Variants in PHF24 observed in about 807,000 individuals in gnomAD.
PHF24 encodes Galpha inhibitory interacting protein.
Under a neutral mutation model 42.6 loss-of-function variants are expected in PHF24, and 25 were observed. The ratio of observed to expected loss-of-function variants is 0.59; its 90% CI spans 0.43 to 0.82. The LOEUF (loss-of-function observed/expected upper bound fraction) is 0.82. Among genes scored for constraint, PHF24 ranks in the 40% least tolerant of loss-of-function variants. The pLI is 0.00. For missense variants in PHF24, 470 were observed against 538.1 expected, an observed-to-expected ratio of 0.87 and a Z score of 1.25; for synonymous variants, 185 against 204.8, an observed-to-expected ratio of 0.90 and a Z score of 0.83.
chr9:34,940,826 C>G, the PHF24 span, among the ~76,000 whole-genome samples: 1 of 152,224 alleles, frequency 6.6e-6, no homozygotes, highest in Admixed American at 6.5e-5. Flanking sequence ...CCTGTTCCCA[C>G]TGTGTAAAAG....
At chr9:34,838,232 G>C in the PHF24 span, 1 of 625,502 alleles carries the variant, frequency 1.6e-6, no homozygotes, top group Admixed American at 2.7e-5. Context: ...AGTAACTAAA[G>C]GTATGGCATA....
upstream of PHF24, among the ~76,000 whole-genome samples, chr9:34,955,321 C>CAAA (rs146827510): frequency 5.7e-4 from 79 of 137,824 alleles, no homozygotes; most frequent in Middle Eastern, 7.6e-3. Flanking sequence ...CAAGAATATG[C>CAAA]AAAAAAAAAA....
the PHF24 span, among the ~76,000 whole-genome samples, chr9:34,769,156 A>G: frequency 0.012 from 1,846 of 152,262 alleles, 40 homozygotes; most frequent in African/African-American, 0.042. Flanking sequence ...TTGCTCTGTC[A>G]CCCAGGCTGG....
chr9:34,729,208 T>C, the PHF24 span: 3 of 1,471,878 alleles, frequency 2.0e-6, no homozygotes, highest in Middle Eastern at 3.5e-4. Flanking sequence ...GGGGTGGGGA[T>C]TATAAGGGAG....
chr9:34,709,708 C>T, the PHF24 span: 1 of 1,613,508 alleles, frequency 6.2e-7, no homozygotes. Context: ...AGTAAGCCTT[C>T]TTAGTCTTGC....
the PHF24 span, chr9:34,833,551 A>G: frequency 1.3e-6 from 2 of 1,551,616 alleles, no homozygotes; most frequent in South Asian, 2.4e-5. Flanking sequence ...GTGCTGCAGC[A>G]GTTTGTTCCC....
intron 3 of PHF24, among the ~76,000 whole-genome samples, chr9:34,974,576 T>C (rs1282714208): frequency 6.6e-6 from 1 of 152,122 alleles, no homozygotes; most frequent in Non-Finnish European, 1.5e-5. Flanking sequence ...CTCTGACCAT[T>C]CTTTCTCAAT....
At chr9:34,916,625 T>C in the PHF24 span, among the ~76,000 whole-genome samples, 1 of 152,202 alleles carries the variant, frequency 6.6e-6, no homozygotes, top group African/African-American at 2.4e-5. Flanking sequence ...TGTTAGAAGA[T>C]AATCAAAACT....
chr9:34,825,794 G>A, the PHF24 span, among the ~76,000 whole-genome samples: 2 of 152,172 alleles, frequency 1.3e-5, no homozygotes, highest in Non-Finnish European at 2.9e-5. Flanking sequence ...AACCATATGT[G>A]TGTAATTCTG....
At chr9:34,837,767 C>A in the PHF24 span, 2 of 1,040,416 alleles carry the variant, frequency 1.9e-6, no homozygotes, top group Non-Finnish European at 2.9e-6. Flanking sequence ...CAAAATGAGA[C>A]TTACATTTAT....
the PHF24 span, among the ~76,000 whole-genome samples, chr9:34,910,331 A>G: frequency 6.6e-6 from 1 of 152,156 alleles, no homozygotes; most frequent in Non-Finnish European, 1.5e-5. Context: ...AAACATTAAA[A>G]ATTAACTTAG....
At chr9:34,917,627 T>C in the PHF24 span, 88 of 776,422 alleles carry the variant, frequency 1.1e-4, 1 homozygote, top group African/African-American at 1.4e-3. Flanking sequence ...TGGTTGGCCT[T>C]CCAGTGGCTT....
chr9:34,832,632 G>A, the PHF24 span: 1 of 1,540,882 alleles, frequency 6.5e-7, no homozygotes, highest in Non-Finnish European at 8.8e-7. Flanking sequence ...TTTTGTCTTG[G>A]GGTTAATACA....
the PHF24 span, chr9:34,727,006 G>A: frequency 2.6e-6 from 4 of 1,540,286 alleles, no homozygotes; most frequent in Non-Finnish European, 3.5e-6. Flanking sequence ...GGGAAACACG[G>A]CAAAATTAAC....
At chr9:34,908,673 G>A in the PHF24 span, among the ~76,000 whole-genome samples, 7 of 152,154 alleles carry the variant, frequency 4.6e-5, no homozygotes, top group South Asian at 6.2e-4. Context: ...GATCCAATAA[G>A]ACAGTCCCTC....
chr9:34,759,109 C>T, the PHF24 span, among the ~76,000 whole-genome samples: 1 of 152,194 alleles, frequency 6.6e-6, no homozygotes, highest in Non-Finnish European at 1.5e-5. Flanking sequence ...TTCTAATCAG[C>T]CATCTTGCTG....
At chr9:34,769,401 A>G in the PHF24 span, among the ~76,000 whole-genome samples, 3 of 152,346 alleles carry the variant, frequency 2.0e-5, no homozygotes, top group East Asian at 1.9e-4. Flanking sequence ...GATTACAGGC[A>G]TGAGCCACCA....
chr9:34,703,350 G>A, the PHF24 span, among the ~76,000 whole-genome samples: 1 of 152,114 alleles, frequency 6.6e-6, no homozygotes, highest in South Asian at 2.1e-4. Context: ...TGTATTTTTA[G>A]TACAGATGGA....
chr9:34,845,484 G>C, the PHF24 span, among the ~76,000 whole-genome samples: 70 of 151,980 alleles, frequency 4.6e-4, no homozygotes, highest in Admixed American at 1.2e-3. Context: ...TTTATCTTTT[G>C]TGTATCTAGT....
Sources: gnomAD v4.1 joint callset for allele counts (sites outside exome capture counted in the v4.1 genomes callset) on GRCh38, gnomAD v4.1.1 for gene constraint, MANE v1.5 for transcripts, NCBI Gene and HGNC (gene_info 2026-07-23, HGNC 2026-07-21) for gene names.